Variants in CFTR observed in about 807,000 individuals in gnomAD.
CFTR encodes cystic fibrosis transmembrane conductance regulator.
Under a neutral mutation model 171.6 loss-of-function variants are expected in CFTR, and 181 were observed. That is an observed-to-expected ratio of 1.05 (90% confidence interval 0.93 to 1.19). The LOEUF (loss-of-function observed/expected upper bound fraction) is 1.19. Among genes scored for constraint, CFTR ranks in the 50% most tolerant of loss-of-function variants. The pLI is 0.00. For synonymous variants in CFTR, 583 were observed against 608.0 expected (o/e 0.96, Z 0.60); for missense variants, 1,968 against 1,734.7 (o/e 1.13, Z -2.39).
chr7:117,501,313 T>C (rs1156322548), intron 1 of CFTR, among the ~76,000 whole-genome samples: 1 of 152,186 alleles, frequency 6.6e-6, no homozygotes, highest in African/African-American at 2.4e-5. Context: ...AGTGATCTGC[T>C]GCACTTAGCT....
At chr7:117,622,766 T>C (rs1792602284) in intron 21 of CFTR, among the ~76,000 whole-genome samples, 1 of 152,186 alleles carries the variant, frequency 6.6e-6, no homozygotes, top group Admixed American at 6.5e-5. Context: ...GGAGTCTGGC[T>C]TCTTGACTTA....
rs543989898 is a variant in CFTR, at chr7:117,632,529, G to A, written c.3717+4759G>A. Reference sequence around the variant, plus strand: ...AGCGAGCTGTGATGGCACCACTACAGCCTGGATGACAGAGTGAGACACTGT... The same window carrying A: ...AGCGAGCTGTGATGGCACCACTACAACCTGGATGACAGAGTGAGACACTGT... On this transcript the variant is annotated intron_variant, in intron 22 of 26. Coordinates refer to ENST00000003084, the MANE Select transcript of CFTR (RefSeq NM_000492.4). Among the ~76,000 whole-genome samples, 14 of 150,618 alleles carry A rather than the reference G, an allele frequency of 9.3e-5. No homozygotes were observed. The East Asian group carries it at 2.7e-3, about 29-fold the overall frequency.
chr7:117,621,403 A>G (rs1412688611), intron 21 of CFTR, among the ~76,000 whole-genome samples: 2 of 152,148 alleles, frequency 1.3e-5, no homozygotes, highest in Non-Finnish European at 2.9e-5. Flanking sequence ...TGACAACTCA[A>G]CTCAGTCTTT....
At chr7:117,616,457 T>C (rs1333210596) in intron 21 of CFTR, 1 of 152,180 alleles carries the variant, frequency 6.6e-6, no homozygotes, top group African/African-American at 2.4e-5. Flanking sequence ...ACTTACATGT[T>C]TCTTTACCTA....
At chr7:117,520,760 A>G (rs538437702) in intron 3 of CFTR, among the ~76,000 whole-genome samples, 4 of 152,056 alleles carry the variant, frequency 2.6e-5, no homozygotes, top group African/African-American at 9.6e-5. Context: ...TGAAATTTAT[A>G]ATCATTTTAT....
chr7:117,585,329 C>G (rs1056328026), intron 11 of CFTR, among the ~76,000 whole-genome samples: 2 of 151,846 alleles, frequency 1.3e-5, no homozygotes, highest in African/African-American at 4.8e-5. Context: ...GGATTCTATA[C>G]TCTCTAAATC....
chr7:117,498,042 A>C (rs1798266582), intron 1 of CFTR, among the ~76,000 whole-genome samples: 1 of 152,080 alleles, frequency 6.6e-6, no homozygotes, highest in Non-Finnish European at 1.5e-5. Context: ...TTTTCTATTT[A>C]ATGTTTGGAT....
chr7:117,530,638 A>G (rs969826499), intron 3 of CFTR, among the ~76,000 whole-genome samples: 1 of 152,166 alleles, frequency 6.6e-6, no homozygotes, highest in African/African-American at 2.4e-5. Context: ...TATACTTTTT[A>G]TTTTATGGCC....
chr7:117,496,141 C>T (rs1456353938), intron 1 of CFTR, among the ~76,000 whole-genome samples: 3 of 150,460 alleles, frequency 2.0e-5, no homozygotes, highest in Non-Finnish European at 4.4e-5. Flanking sequence ...TTGTGACTGG[C>T]TTATTTCACT....
At chr7:117,569,994 A>G (rs1377145947) in intron 11 of CFTR, among the ~76,000 whole-genome samples, 1 of 152,120 alleles carries the variant, frequency 6.6e-6, no homozygotes, top group East Asian at 1.9e-4. Context: ...AGCATCAACA[A>G]TAAAAAATTA....
chr7:117,552,099 A>G (rs974105203), intron 10 of CFTR, among the ~76,000 whole-genome samples: 3 of 151,916 alleles, frequency 2.0e-5, no homozygotes, highest in African/African-American at 7.3e-5. Flanking sequence ...TATATATGAC[A>G]CTATACATGA....
chr7:117,501,747 C>CAAAAAAAAAAAAAAA (rs1212853305), intron 1 of CFTR, among the ~76,000 whole-genome samples: 9 of 43,874 alleles, frequency 2.1e-4, no homozygotes, highest in East Asian at 6.4e-4. Flanking sequence ...AACTCTGTCT[C>CAAAAAAAAAAAAAAA]AAAAAAAAAA....
In CFTR at chr7:117,627,606, G is replaced by A; in HGVS notation, c.3553G>A (p.Gly1185Ser). The A allele has an allele frequency of 6.2e-7, 1 of 1,613,412 alleles. No homozygotes were observed. The highest frequency in any genetic ancestry group is 1.1e-5 in the South Asian group (1 of 91,072). The change falls in exon 22 of 27, where the codon GGC (glycine) becomes AGC (serine). Residue 1185 changes from glycine to serine, a missense_variant. Physicochemically the swap from Gly to Ser is moderately conservative, Grantham distance 56 (BLOSUM62 0). Transcript: ENST00000003084. Reference protein sequence around the residue: ...PTKSTKPYKNGQLSKVMIIEN... With the variant: ...PTKSTKPYKNSQLSKVMIIEN... ...CAAGTCAACCAAACCATACAAGAAT[G>A]GCCAACTCTCGAAAGTTATGATTAT...
chr7:117,535,013 T>G (rs893665254), intron 5 of CFTR, among the ~76,000 whole-genome samples: 17 of 152,188 alleles, frequency 1.1e-4, no homozygotes, highest in Admixed American at 4.6e-4. Flanking sequence ...AAAAATATGC[T>G]TAAAAATGCA....
chr7:117,560,046 T>G (rs1799435852), intron 11 of CFTR, among the ~76,000 whole-genome samples: 1 of 151,986 alleles, frequency 6.6e-6, no homozygotes, highest in Non-Finnish European at 1.5e-5. Flanking sequence ...CCAAAAATTA[T>G]TAAGATTATT....
chr7:117,568,448 G>C (rs1348099200), intron 11 of CFTR, among the ~76,000 whole-genome samples: 2 of 152,066 alleles, frequency 1.3e-5, no homozygotes, highest in African/African-American at 2.4e-5. Flanking sequence ...ATAATGACTT[G>C]CCAGGTAGGA....
In CFTR at chr7:117,491,924, G is replaced by A. The variant is rs540635882; in HGVS notation, c.53+11777G>A. On this transcript the variant is annotated intron_variant, in intron 1 of 26. Coordinates refer to ENST00000003084, the MANE Select transcript of CFTR (RefSeq NM_000492.4). ...TGAGACCATAAAGTATATACATGTA[G>A]GGAGTTAATCTATGAAACCTATTGA... Among the ~76,000 whole-genome samples the A allele has an allele frequency of 4.1e-4, 63 of 152,144 alleles. 1 individual carries two copies. Among genetic ancestry groups the A allele is most frequent in the African/African-American group, 1.5e-3 (61 of 41,508 alleles).
chr7:117,480,087 G>A lies in CFTR; in HGVS notation c.-8G>A, dbSNP rs1800501. 1 of 1,613,838 alleles carries A rather than the reference G, an allele frequency of 6.2e-7. No homozygotes were observed. The highest frequency in any genetic ancestry group is 8.5e-7 in the Non-Finnish European group (1 of 1,179,912). On this transcript the variant is annotated 5_prime_UTR_variant, in exon 1 of 27. Coordinates refer to ENST00000003084, the MANE Select transcript of CFTR (RefSeq NM_000492.4). Reference sequence around the variant, plus strand: ...GGCCCTAGCAGGGACCCCAGCGCCCGAGAGACCATGCAGAGGTCGCCTCTG... The same window carrying A: ...GGCCCTAGCAGGGACCCCAGCGCCCAAGAGACCATGCAGAGGTCGCCTCTG...
At chr7:117,647,703 T>C (rs1350076885) in intron 23 of CFTR, among the ~76,000 whole-genome samples, 4 of 151,796 alleles carry the variant, frequency 2.6e-5, no homozygotes, top group African/African-American at 9.7e-5. Context: ...AATTTTTTTT[T>C]TAAGACATGG....
Sources: gnomAD v4.1 joint callset for allele counts (sites outside exome capture counted in the v4.1 genomes callset) on GRCh38, gnomAD v4.1.1 for gene constraint, MANE v1.5 for transcripts, NCBI Gene and HGNC (gene_info 2026-07-23, HGNC 2026-07-21) for gene names.